Variants in EVA1C observed in about 807,000 individuals in gnomAD.
EVA1C encodes the protein protein eva-1 homolog C.
EVA1C carries 25 observed loss-of-function variants against 45.4 expected under a neutral mutation model. The ratio of observed to expected loss-of-function variants is 0.55; its 90% CI spans 0.40 to 0.77. The LOEUF is 0.77. EVA1C is among the 30% of genes least tolerant of loss of function. The pLI, the probability that EVA1C is intolerant of heterozygous loss-of-function variation, is 0.00. For synonymous variants in EVA1C, 190 were observed against 221.2 expected, an observed-to-expected ratio of 0.86 and a Z score of 1.25; for missense variants, 479 against 554.8, an observed-to-expected ratio of 0.86 and a Z score of 1.37.
At chr21:32,449,140 C>T (rs773455114) in intron 1 of EVA1C, among the ~76,000 whole-genome samples, 7 of 152,266 alleles carry the variant, frequency 4.6e-5, no homozygotes, top group South Asian at 2.1e-4. Context: ...TACACACACA[C>T]GTGCAGCTTC....
At chr21:32,453,606 C>T (rs923874513) in intron 2 of EVA1C, 98 bp downstream of exon 2, 1 of 883,210 alleles carries the variant, frequency 1.1e-6, no homozygotes, top group African/African-American at 1.7e-5. Flanking sequence ...ATAGTTCAAT[C>T]CAAGCAAAAC....
At chr21:32,488,587 C>CA (rs34049195) in intron 4 of EVA1C, among the ~76,000 whole-genome samples, 43,255 of 148,008 alleles carry the variant, frequency 0.29, 7,246 homozygotes, top group African/African-American at 0.46. Context: ...AGCTGTTGGC[C>CA]TTTTTTTTTT....
intron 3 of EVA1C, among the ~76,000 whole-genome samples, chr21:32,463,592 G>A (rs1489696848): frequency 2.6e-5 from 4 of 152,204 alleles, no homozygotes; most frequent in South Asian, 4.1e-4. Flanking sequence ...ATCTGGGGAC[G>A]AAATCGCTGG....
intron 5 of EVA1C, among the ~76,000 whole-genome samples, chr21:32,500,780 T>A (rs965022595): frequency 2.0e-5 from 3 of 152,182 alleles, no homozygotes; most frequent in African/African-American, 7.2e-5. Flanking sequence ...TTTCAGAGGT[T>A]CATCCATGTT....
At chr21:32,438,469 AGAGT>A (rs1198470805) in intron 1 of EVA1C, among the ~76,000 whole-genome samples, 4 of 131,044 alleles carry the variant, frequency 3.1e-5, no homozygotes, top group African/African-American at 1.2e-4. Context: ...CCTGGGTGAC[AGAGT>A]GAGACTCTGT....
rs1208799602 is a variant in EVA1C at position 32,412,915 on chromosome 21, T to A, written c.62T>A (p.Leu21His). 1 of 1,523,014 alleles carries A rather than the reference T, an allele frequency of 6.6e-7. No homozygotes were observed. The highest frequency in any genetic ancestry group is 1.7e-4 in the Middle Eastern group (1 of 5,886). The allele number at this position is 1,523,014 out of a possible 1,614,324, so 94.3% of individuals were successfully genotyped here. ...PTPQPVQHPG[L>H]RRQVEPPGQL... is the part of the protein sequence containing the mutation. ...CCCCAGCCCGTGCAGCATCCCGGCCTCCGCCGGCAGGTAGAGCCGCCGGGG... is the reference window on the plus strand; with the variant it reads ...CCCCAGCCCGTGCAGCATCCCGGCCACCGCCGGCAGGTAGAGCCGCCGGGG... Residue 21 changes from leucine (L) to histidine (H), a missense_variant, in exon 1 of 8, where the codon CTC becomes CAC. Leu to His is a moderately conservative substitution (Grantham distance 99). Coordinates refer to ENST00000300255, the MANE Select transcript of EVA1C (RefSeq NM_058187.5).
At chr21:32,505,744 C>T (rs1255162843) in intron 7 of EVA1C, among the ~76,000 whole-genome samples, 1 of 152,176 alleles carries the variant, frequency 6.6e-6, no homozygotes, top group Non-Finnish European at 1.5e-5. Flanking sequence ...CCTCACATGG[C>T]AGAGAGGGGG....
intron 4 of EVA1C, among the ~76,000 whole-genome samples, chr21:32,487,437 A>G (rs966686376): frequency 2.6e-5 from 4 of 152,166 alleles, no homozygotes; most frequent in African/African-American, 7.2e-5. Flanking sequence ...CAGTGGGTAG[A>G]ACCTTTAGGC....
At chr21:32,429,501 G>A (rs905513172) in intron 1 of EVA1C, among the ~76,000 whole-genome samples, 4 of 149,134 alleles carry the variant, frequency 2.7e-5, no homozygotes, top group Non-Finnish European at 4.4e-5. Context: ...TTATAGTCAC[G>A]CACCCCTACA....
At chr21:32,493,557 GCT>G (rs2037237532) in intron 4 of EVA1C, 1 of 152,264 alleles carries the variant, frequency 6.6e-6, no homozygotes, top group Non-Finnish European at 1.5e-5. Flanking sequence ...CCCAATTTCT[GCT>G]CTTTCTTTCA....
At chr21:32,503,047 A>G (rs2037609677) in intron 6 of EVA1C, among the ~76,000 whole-genome samples, 1 of 152,228 alleles carries the variant, frequency 6.6e-6, no homozygotes, top group Non-Finnish European at 1.5e-5. Flanking sequence ...GTCCTGTCTG[A>G]CATGGCTAGG....
chr21:32,480,257 T>A (rs2036728971), intron 4 of EVA1C, among the ~76,000 whole-genome samples: 1 of 135,470 alleles, frequency 7.4e-6, no homozygotes, highest in Non-Finnish European at 1.5e-5. Context: ...GCAATAATCG[T>A]GCCACTACAT....
At chr21:32,496,824 G>A (rs949133293) in intron 5 of EVA1C, 13 of 832,894 alleles carry the variant, frequency 1.6e-5, no homozygotes, top group Non-Finnish European at 2.8e-5. Flanking sequence ...ATATTCTAGT[G>A]AAAGGAGACC....
chr21:32,421,211 C>G (rs2034255348), intron 1 of EVA1C, among the ~76,000 whole-genome samples: 1 of 140,164 alleles, frequency 7.1e-6, no homozygotes, highest in Non-Finnish European at 1.5e-5. Flanking sequence ...GGGATGATAG[C>G]TGGTGCTAAC....
At chr21:32,486,053 T>C (rs909712032) in intron 4 of EVA1C, among the ~76,000 whole-genome samples, 2 of 152,244 alleles carry the variant, frequency 1.3e-5, no homozygotes, top group African/African-American at 4.8e-5. Flanking sequence ...CTGGCAGCAT[T>C]GTTTGAACCA....
In EVA1C at chr21:32,495,124, C is replaced by G. The variant is rs769690328; in HGVS notation, c.732C>G (p.Pro244=). 3.7e-6 allele frequency: 6 copies of G among 1,614,076 alleles called. No individual in the cohort carries two copies. In the Admixed American group the frequency reaches 8.3e-5, roughly 22 times the overall value. Residue 244 remains proline, a synonymous_variant, in exon 5 of 8, where the codon CCC becomes CCG. Transcript: ENST00000300255. ...IIVNNHHFGS[P]CLPGVKKYLT... ...TCAACAATCACCATTTTGGAAGCCC[C>G]TGTTTGCCAGGCGTGAAAAAATACC... is the stretch of plus-strand genomic sequence containing the variant.
intron 5 of EVA1C, among the ~76,000 whole-genome samples, chr21:32,498,075 T>C (rs959136384): frequency 2.6e-5 from 4 of 152,142 alleles, no homozygotes; most frequent in Non-Finnish European, 5.9e-5. Context: ...AGTTCAAGCT[T>C]TTCTTCCTTC....
At chr21:32,481,521 A>C (rs1432255034) in intron 4 of EVA1C, among the ~76,000 whole-genome samples, 1 of 151,800 alleles carries the variant, frequency 6.6e-6, no homozygotes, top group Non-Finnish European at 1.5e-5. Flanking sequence ...AAAAAAAAAA[A>C]ACTAGAAGAA....
At chr21:32,486,020 A>G (rs1384357158) in intron 4 of EVA1C, among the ~76,000 whole-genome samples, 1 of 152,234 alleles carries the variant, frequency 6.6e-6, no homozygotes, top group Admixed American at 6.5e-5. Context: ...ACATCATCAG[A>G]GATATACTTT....
Sources: gnomAD v4.1 joint callset for allele counts (sites outside exome capture counted in the v4.1 genomes callset) on GRCh38, gnomAD v4.1.1 for gene constraint, MANE v1.5 for transcripts, NCBI Gene and HGNC (gene_info 2026-07-23, HGNC 2026-07-21) for gene names.